Variants in THUMPD3 observed in about 807,000 individuals in gnomAD.
THUMPD3 encodes the protein tRNA (guanine(6)-N(2))-methyltransferase THUMP3.
THUMPD3 carries 44 observed loss-of-function variants against 54.5 expected under a neutral mutation model. That is an observed-to-expected ratio of 0.81 (90% CI 0.63 to 1.04). The LOEUF (loss-of-function observed/expected upper bound fraction) is 1.04, where lower values mean the gene tolerates loss of function less well. Ranked by LOEUF, THUMPD3 falls within the 50% of genes least tolerant of loss-of-function variation. The pLI is 0.00. For missense variants in THUMPD3, 604 were observed against 601.3 expected (o/e 1.00, Z -0.05); for synonymous variants, 196 against 201.4 (o/e 0.97, Z 0.23).
intron 6 of THUMPD3, among the ~76,000 whole-genome samples, 162 bp downstream of exon 6, chr3:9,378,050 A>G (rs567859504): frequency 1.3e-5 from 2 of 152,354 alleles, no homozygotes; most frequent in South Asian, 2.1e-4. Context: ...TAAAGAATGT[A>G]ACTACTTATT....
intron 3 of THUMPD3, among the ~76,000 whole-genome samples, chr3:9,369,420 G>A (rs1052378156): frequency 2.6e-5 from 4 of 151,606 alleles, no homozygotes; most frequent in South Asian, 2.1e-4. Flanking sequence ...ATAGCTTGAC[G>A]GTAATTTTAT....
Position 9,365,190 on chromosome 3 carries a change from G to C in THUMPD3, c.122G>C (p.Gly41Ala), listed in dbSNP as rs777167418. ...GSESELLVTIGATVPTGFEQT... is the reference protein window; with the variant it reads ...GSESELLVTIAATVPTGFEQT... ...GAATCTGAGCTTCTAGTCACTATTG[G>C]AGCCACTGTACCTACTGGCTTTGAG... The change falls in exon 2 of 10, where the codon GGA (glycine) becomes GCA (alanine). Residue 41 changes from glycine (G) to alanine (A), a missense_variant. Physicochemically the swap from Gly to Ala is moderately conservative, Grantham distance 60. Transcript: ENST00000452837. The C allele has an allele frequency of 5.0e-6, 8 of 1,614,154 alleles. No homozygotes were observed. Among genetic ancestry groups the C allele is most frequent in the Non-Finnish European group, 6.8e-6 (8 of 1,180,030 alleles).
At chr3:9,367,702 G>A (rs534039398) in intron 3 of THUMPD3, among the ~76,000 whole-genome samples, 14 of 152,168 alleles carry the variant, frequency 9.2e-5, no homozygotes, top group East Asian at 3.9e-4. Flanking sequence ...TTTCCAAAAC[G>A]TTATTCAAAA....
chr3:9,382,724 AGTTT>A (rs1236885614), intron 7 of THUMPD3, among the ~76,000 whole-genome samples: 3 of 152,036 alleles, frequency 2.0e-5, no homozygotes, highest in African/African-American at 7.2e-5. Context: ...TCATGTTTTC[AGTTT>A]GTTTCCCTTT....
intron 4 of THUMPD3, among the ~76,000 whole-genome samples, chr3:9,372,102 C>G (rs1273483486): frequency 1.3e-5 from 2 of 152,208 alleles, no homozygotes; most frequent in Admixed American, 1.3e-4. Flanking sequence ...GTCTCAAACT[C>G]CTGTAGTGAT....
At chr3:9,379,925 A>G (rs1033369270) in intron 6 of THUMPD3, among the ~76,000 whole-genome samples, 2 of 152,156 alleles carry the variant, frequency 1.3e-5, no homozygotes, top group African/African-American at 4.8e-5. Context: ...CCTGGGCTCA[A>G]GAAATCCTCC....
chr3:9,373,064 T>G (rs1251811858), intron 4 of THUMPD3, among the ~76,000 whole-genome samples: 1 of 152,110 alleles, frequency 6.6e-6, no homozygotes, highest in African/African-American at 2.4e-5. Flanking sequence ...CTGGGCAAAA[T>G]AGTGAGACCC....
At position 9,371,424 on chromosome 3, in the gene THUMPD3, A is replaced by G. The variant is rs535339598; in HGVS notation, c.695A>G (p.Asn232Ser). 88 of 1,614,212 alleles carry G rather than the reference A, an allele frequency of 5.5e-5. No homozygotes were observed. The highest frequency in any genetic ancestry group is 8.3e-5 in the Admixed American group (5 of 60,028). The change falls in exon 4 of 10, where the codon AAC becomes AGC. Residue 232 changes from asparagine to serine, a missense_variant. Transcript: ENST00000452837. ...PQVLKFRVTCNRAGEKHCFTS... is the reference protein window; with the variant it reads ...PQVLKFRVTCSRAGEKHCFTS... ...GTGCTGAAGTTTAGAGTCACATGCA[A>G]CAGGGCAGGAGAGAAACATTGCTTT...
rs201326273 is a variant in THUMPD3, at chr3:9,365,079, T to C, written c.11T>C (p.Ile4Thr). 1.2e-6 allele frequency: 2 copies of C among 1,613,834 alleles called. No homozygotes were observed. The highest frequency in any genetic ancestry group is 1.7e-6 in the Non-Finnish European group (2 of 1,179,848). Residue 4 changes from isoleucine to threonine, a missense_variant, in exon 2 of 10, where the codon ATT becomes ACT. Transcript: ENST00000452837. ...GGAAGCACAGCCAACATGTGTGACA[T>C]TGAAGAAGCCACTAACCAACTCCTA... Reference protein sequence around the residue: MCDIEEATNQLLDV... With the variant: MCDTEEATNQLLDV...
At chr3:9,369,309 C>CAAAAAAAAAA (rs779602979) in intron 3 of THUMPD3, among the ~76,000 whole-genome samples, 7 of 60,824 alleles carry the variant, frequency 1.2e-4, no homozygotes, top group Admixed American at 2.7e-4. Context: ...GACTCCGTCT[C>CAAAAAAAAAA]AAAAAAAAAA....
At chr3:9,379,297 C>G (rs1348379890) in intron 6 of THUMPD3, among the ~76,000 whole-genome samples, 1 of 152,030 alleles carries the variant, frequency 6.6e-6, no homozygotes, top group Non-Finnish European at 1.5e-5. Flanking sequence ...CCCACCCACC[C>G]AAAATTCTGG....
At position 9,380,634 on chromosome 3, in the gene THUMPD3, A is replaced by G; in HGVS notation, c.1124+16A>G. 3 of 1,545,392 alleles carry G rather than the reference A, an allele frequency of 1.9e-6. No homozygotes were observed. Among genetic ancestry groups the G allele is most frequent in the Non-Finnish European group, 1.8e-6 (2 of 1,122,824 alleles). ...TTAAAGAAGGGTAAAAATTTAAAAG[A>G]TTTCTTAGCATCTTTTAGAGTTAGA... On this transcript the variant is annotated intron_variant, in intron 7 of 9. Transcript: ENST00000452837.
chr3:9,384,227 G>A lies in THUMPD3; in HGVS notation c.1251G>A (p.Lys417=), dbSNP rs1129170. The A allele has an allele frequency of 0.6, 962,996 of 1,613,170 alleles. 289,722 individuals are homozygous for A. The highest frequency in any genetic ancestry group is 0.76 in the South Asian group (69,451 of 91,004). The change falls in exon 9 of 10, where the codon AAG becomes AAA. Residue 417 remains lysine (K), a synonymous_variant. Transcript: ENST00000452837. ...LPFGKRMGSK[K]RNWNLYPACL... is the part of the protein sequence containing the mutation. ...TCTATTATAGGATGGGATCCAAGAA[G>A]AGAAACTGGAACCTTTATCCAGCTT...
chr3:9,367,261 C>T (rs540035198), intron 3 of THUMPD3, among the ~76,000 whole-genome samples: 2 of 152,322 alleles, frequency 1.3e-5, no homozygotes, highest in South Asian at 2.1e-4. Flanking sequence ...TTTGCTTTTA[C>T]ATATATTTAG....
intron 5 of THUMPD3, 117 bp from the exon 6 acceptor site, chr3:9,377,702 A>G: frequency 1.4e-6 from 1 of 731,484 alleles, no homozygotes; most frequent in East Asian, 2.6e-5. Flanking sequence ...ATATGTGTAG[A>G]TTGGTGTTCC....
At chr3:9,375,265 T>C (rs2032374752) in intron 5 of THUMPD3, among the ~76,000 whole-genome samples, 1 of 152,236 alleles carries the variant, frequency 6.6e-6, no homozygotes, top group South Asian at 2.1e-4. Flanking sequence ...TAAATTTTGC[T>C]GTTTCATTTC....
intron 3 of THUMPD3, among the ~76,000 whole-genome samples, chr3:9,370,551 C>T (rs1288930176): frequency 2.6e-5 from 4 of 152,182 alleles, no homozygotes; most frequent in Non-Finnish European, 5.9e-5. Context: ...CTCAAGCAGT[C>T]CTCCCATCTC....
intron 7 of THUMPD3, chr3:9,380,875 A>T (rs1478751775): frequency 7.4e-6 from 2 of 270,464 alleles, no homozygotes; most frequent in Non-Finnish European, 1.4e-5. Context: ...ATATTGGAAG[A>T]ATATTTTATA....
intron 5 of THUMPD3, among the ~76,000 whole-genome samples, chr3:9,375,016 A>G (rs2032351238): frequency 6.6e-6 from 1 of 152,190 alleles, no homozygotes; most frequent in Non-Finnish European, 1.5e-5. Flanking sequence ...CACCACGCCC[A>G]GATAATTTTT....
Sources: allele counts gnomAD v4.1 joint callset (sites outside exome capture counted in the v4.1 genomes callset), GRCh38; gene constraint gnomAD v4.1.1; transcripts MANE v1.5; gene names NCBI Gene and HGNC (gene_info 2026-07-23, HGNC 2026-07-21).